TTC4: variants seen among roughly 807,000 people sequenced by gnomAD.
TTC4 encodes tetratricopeptide repeat domain 4, also known as hsp70/Hsp90 co-chaperone CNS1 homolog.
Under a neutral mutation model 51.9 loss-of-function variants are expected in TTC4, and 36 were observed. That is an observed-to-expected ratio of 0.69 (90% CI 0.53 to 0.92). The LOEUF (loss-of-function observed/expected upper bound fraction) is 0.92. Among genes scored for constraint, TTC4 ranks in the 40% least tolerant of loss-of-function variants. The pLI, the probability that TTC4 is intolerant of heterozygous loss-of-function variation, is 0.00. For synonymous variants in TTC4, 144 were observed against 164.2 expected (o/e 0.88, Z 0.94); for missense variants, 399 against 454.6 (o/e 0.88, Z 1.11).
At chr1:54,737,914 T>C (rs1368276990) in intron 9 of TTC4, among the ~76,000 whole-genome samples, 3 of 152,010 alleles carry the variant, frequency 2.0e-5, no homozygotes, top group Non-Finnish European at 4.4e-5. Flanking sequence ...CTCCCTTTTT[T>C]TTTGAGATGG....
At chr1:54,739,356 C>T (rs1645985276) in intron 9 of TTC4, among the ~76,000 whole-genome samples, 1 of 152,170 alleles carries the variant, frequency 6.6e-6, no homozygotes, top group Non-Finnish European at 1.5e-5. Context: ...GAAGTCAGAC[C>T]CATCATCATT....
intron 1 of TTC4, 147 bp from the exon 2 acceptor site, chr1:54,716,453 A>G: frequency 1.5e-6 from 1 of 646,554 alleles, no homozygotes; most frequent in Non-Finnish European, 2.7e-6. Context: ...CCCATTTTAC[A>G]GAAGGGAAGC....
chr1:54,731,798 A>G, intron 7 of TTC4, 98 bp downstream of exon 7: 5 of 1,185,190 alleles, frequency 4.2e-6, no homozygotes, highest in Middle Eastern at 2.0e-4. Flanking sequence ...AAGGGAAGAT[A>G]ATGGTTTAGA....
intron 3 of TTC4, among the ~76,000 whole-genome samples, chr1:54,719,638 T>C (rs943415873): frequency 2.6e-5 from 4 of 152,238 alleles, no homozygotes; most frequent in African/African-American, 9.6e-5. Flanking sequence ...TCATTAAAAA[T>C]CATTTCTGAA....
chr1:54,738,705 T>G (rs761344997), intron 9 of TTC4, among the ~76,000 whole-genome samples: 2 of 149,260 alleles, frequency 1.3e-5, no homozygotes, highest in East Asian at 2.0e-4. Flanking sequence ...TCACCCAGGC[T>G]GGAGTGCAGT....
chr1:54,737,589 T>C lies in TTC4; in HGVS notation c.986T>C (p.Phe329Ser), dbSNP rs571028336. 4 of 1,613,730 alleles carry C rather than the reference T, an allele frequency of 2.5e-6. No individual in the cohort carries two copies. The Admixed American group carries it at 5.0e-5, about 20-fold the overall frequency. The stretch of plus-strand genomic sequence containing the variant: ...CTTCTGTTAATCTTGCAGGTCTACT[T>C]TGAGGATGAGGACAGGGCAGAACTA... ...KYCPDNLEVY[F>S]EDEDRAELYR... The change falls in exon 9 of 10, where the codon TTT (phenylalanine) becomes TCT (serine). Residue 329 changes from phenylalanine to serine, a missense_variant. Physicochemically the swap from Phe to Ser is radical, Grantham distance 155. This residue lies in a region of TTC4 where 19 missense variants were observed against 43.7 expected (regional missense o/e 0.43). Transcript: ENST00000371281.
intron 7 of TTC4, among the ~76,000 whole-genome samples, chr1:54,732,730 G>T (rs998720492): frequency 6.6e-6 from 1 of 151,702 alleles, no homozygotes; most frequent in Admixed American, 6.6e-5. Context: ...AAAGTGCTGG[G>T]ATTTACAGGC....
intron 9 of TTC4, among the ~76,000 whole-genome samples, chr1:54,738,080 T>C (rs1206933513): frequency 6.6e-6 from 1 of 152,168 alleles, no homozygotes; most frequent in African/African-American, 2.4e-5. Flanking sequence ...TTTGTATTTT[T>C]AGTAGAGACG....
intron 8 of TTC4, among the ~76,000 whole-genome samples, chr1:54,736,226 A>AGAAGG (rs1645937269): frequency 9.4e-6 from 1 of 105,962 alleles, no homozygotes; most frequent in Admixed American, 8.4e-5. Flanking sequence ...GAGAGAGAAG[A>AGAAGG]GGAGAGGAGA....
intron 6 of TTC4, among the ~76,000 whole-genome samples, chr1:54,730,429 G>A (rs759312281): frequency 1.3e-4 from 20 of 152,200 alleles, no homozygotes; most frequent in Middle Eastern, 3.4e-3. Flanking sequence ...TGCAGCCGTT[G>A]GAACACAGCC....
Position 54,731,585 on chromosome 1 carries a change from C to A in TTC4, c.781C>A (p.Pro261Thr), listed in dbSNP as rs774587791. The A allele has an allele frequency of 3.7e-6, 6 of 1,614,068 alleles. No individual in the cohort carries two copies. The East Asian group carries it at 8.9e-5, about 24-fold the overall frequency. ...CCTGGATGGACTCAGCACTGAGAAC[C>A]CCCATGGAGCCAGGCTGAGTCTAGA... ...LFLDGLSTEN[P>T]HGARLSLDGQ... The change falls in exon 7 of 10, where the codon CCC becomes ACC. Residue 261 changes from proline (P) to threonine (T), a missense_variant. Transcript: ENST00000371281.
Position 54,737,527 on chromosome 1 carries a change from A to C in TTC4, c.979-55A>C. The C allele has an allele frequency of 6.4e-6, 10 of 1,558,824 alleles. 1 individual carries two copies. Among genetic ancestry groups the C allele is most frequent in the Middle Eastern group, 3.5e-4 (2 of 5,640 alleles). The stretch of plus-strand genomic sequence containing the variant: ...TTAATTTTCCCTGGGCTTAGCCTCA[A>C]CTAAGGCTGCCGAAGCCTTTATCTC... On this transcript the variant is annotated intron_variant, in intron 8 of 9. Coordinates refer to ENST00000371281, the MANE Select transcript of TTC4 (RefSeq NM_004623.5).
intron 3 of TTC4, among the ~76,000 whole-genome samples, chr1:54,718,053 A>G (rs372127915): frequency 6.6e-6 from 1 of 152,204 alleles, no homozygotes; most frequent in East Asian, 1.9e-4. Flanking sequence ...CTAAGGGAGA[A>G]TATCTCAAAG....
intron 9 of TTC4, among the ~76,000 whole-genome samples, chr1:54,739,114 C>A (rs1490622298): frequency 6.6e-6 from 1 of 151,820 alleles, no homozygotes; most frequent in Non-Finnish European, 1.5e-5. Context: ...TCAAGCAATC[C>A]ACCCACCTCA....
intron 5 of TTC4, among the ~76,000 whole-genome samples, chr1:54,724,384 A>G (rs898472124): frequency 6.6e-6 from 1 of 151,772 alleles, no homozygotes; most frequent in African/African-American, 2.4e-5. Context: ...TCCTGCCTCA[A>G]TCTCCTGAGT....
Position 54,731,665 on chromosome 1 carries a change from G to T in TTC4, c.861G>T (p.Gln287His). ...PVLFLYPEYA[Q>H]SDFISAFHED... is the part of the protein sequence containing the mutation. ...TCTTTCTGTACCCAGAGTATGCCCA[G>T]TCGGACTTCATCTCTGCTTTTCATG... Residue 287 changes from glutamine to histidine, a missense_variant, in exon 7 of 10, where the codon CAG (glutamine) becomes CAT (histidine). Physicochemically the swap from Gln to His is conservative, Grantham distance 24 (BLOSUM62 0). Transcript: ENST00000371281. 1 of 1,614,144 alleles carries T rather than the reference G, an allele frequency of 6.2e-7. No individual in the cohort carries two copies. The highest frequency in any genetic ancestry group is 8.5e-7 in the Non-Finnish European group (1 of 1,180,020).
chr1:54,721,208 T>A lies in TTC4; in HGVS notation c.437T>A (p.Leu146Gln), dbSNP rs780936135. 6.2e-7 allele frequency: 1 copy of A among 1,613,390 alleles called. No homozygotes were observed. The highest frequency in any genetic ancestry group is 8.5e-7 in the Non-Finnish European group (1 of 1,179,578). ...AATGATGTGACAGCTGCCAGAAAGC[T>A]AAAACCCTGCCACCTCAAAGCAATA... The part of the protein sequence containing the change: ...ALNDVTAARK[L>Q]KPCHLKAIIR... The change falls in exon 4 of 10, where the codon CTA becomes CAA. Residue 146 changes from leucine to glutamine, a missense_variant. Coordinates refer to ENST00000371281, the MANE Select transcript of TTC4 (RefSeq NM_004623.5).
chr1:54,740,101 G>T (rs928048309), intron 9 of TTC4, among the ~76,000 whole-genome samples: 2 of 152,172 alleles, frequency 1.3e-5, no homozygotes, highest in Non-Finnish European at 2.9e-5. Context: ...CTTGAGCCCA[G>T]CATTTCAAGG....
chr1:54,738,871 C>T (rs532994390), intron 9 of TTC4, among the ~76,000 whole-genome samples: 2 of 152,078 alleles, frequency 1.3e-5, no homozygotes, highest in Admixed American at 1.3e-4. Flanking sequence ...CCATGTTGTC[C>T]AGGCTGGTCT....
Sources: gnomAD v4.1 joint callset for allele counts (sites outside exome capture counted in the v4.1 genomes callset) on GRCh38, gnomAD v4.1.1 for gene constraint, gnomAD v4.1.1 regional missense constraint, MANE v1.5 for transcripts, NCBI Gene and HGNC (gene_info 2026-07-23, HGNC 2026-07-21) for gene names.